NAV2: variants seen among roughly 807,000 people sequenced by gnomAD.
The protein encoded by NAV2 is neuron navigator 2, also known as helicase, APC down-regulated 1.
NAV2 carries 54 observed loss-of-function variants against 223.2 expected under a neutral mutation model. The ratio of observed to expected loss-of-function variants is 0.24; its 90% CI spans 0.19 to 0.30. NAV2 has a LOEUF of 0.30. Ranked by LOEUF, NAV2 falls within the 10% of genes least tolerant of loss-of-function variation. The probability of loss-of-function intolerance (pLI) is 1.00; values close to 1 mark genes in which losing one functional copy is unlikely to be tolerated. For missense variants in NAV2, 2,806 were observed against 3,147.5 expected (o/e 0.89, Z 2.60); for synonymous variants, 1,279 against 1,239.3 (o/e 1.03, Z -0.67).
chr11:19,886,407 C>T (rs80127515), intron 5 of NAV2, among the ~76,000 whole-genome samples: 1,943 of 152,266 alleles, frequency 0.013, 37 homozygotes, highest in African/African-American at 0.044. Context: ...TACCCAGACT[C>T]GGTGGAGGAG....
chr11:19,496,315 A>G (rs775154429), intron 1 of NAV2, among the ~76,000 whole-genome samples: 21 of 152,258 alleles, frequency 1.4e-4, no homozygotes, highest in Non-Finnish European at 2.6e-4. Flanking sequence ...TCAGGAATCC[A>G]GGAGCAGCTT....
intron 1 of NAV2, among the ~76,000 whole-genome samples, chr11:19,425,556 C>A (rs753396578): frequency 6.6e-6 from 1 of 152,192 alleles, no homozygotes; most frequent in Non-Finnish European, 1.5e-5. Flanking sequence ...ACAGTCTGGA[C>A]TAGAACCATA....
At chr11:19,447,129 G>A (rs1851614990) in intron 1 of NAV2, among the ~76,000 whole-genome samples, 1 of 152,100 alleles carries the variant, frequency 6.6e-6, no homozygotes, top group Non-Finnish European at 1.5e-5. Flanking sequence ...AGAGGCCTGC[G>A]GTAAAAGAGG....
chr11:20,017,061 G>A (rs1031906154), intron 11 of NAV2, among the ~76,000 whole-genome samples: 1 of 151,872 alleles, frequency 6.6e-6, no homozygotes, highest in Non-Finnish European at 1.5e-5. Flanking sequence ...CAGGAAGGGA[G>A]GCCCTCTTGC....
intron 12 of NAV2, among the ~76,000 whole-genome samples, chr11:20,043,494 A>G (rs1337554128): frequency 6.6e-6 from 1 of 151,928 alleles, no homozygotes; most frequent in Non-Finnish European, 1.5e-5. Flanking sequence ...CATCCAGGCT[A>G]GAGTACAGTG....
Position 19,623,087 on chromosome 11 carries a change from T to C in NAV2, c.76-209397T>C, listed in dbSNP as rs565639854. ...CTCTTTTCTTTAAGAATATTGAATA[T>C]TGGCCCCCACTCTCTTCTAGCTTAT... On this transcript the variant is annotated intron_variant, in intron 1 of 37. Coordinates refer to the NAV2 transcript ENST00000360655. 2.6e-5 allele frequency among the ~76,000 whole-genome samples: 4 copies of C among 152,358 alleles called. No individual in the cohort carries two copies. The South Asian group carries it at 6.2e-4, about 24-fold the overall frequency.
At chr11:20,021,799 G>C (rs1271829598) in intron 11 of NAV2, among the ~76,000 whole-genome samples, 2 of 152,108 alleles carry the variant, frequency 1.3e-5, no homozygotes, top group East Asian at 3.9e-4. Context: ...GGACTCCTTC[G>C]AGATTACAAT....
intron 3 of NAV2, among the ~76,000 whole-genome samples, chr11:19,855,036 T>C (rs980191942): frequency 2.6e-5 from 4 of 152,164 alleles, no homozygotes; most frequent in Admixed American, 2.6e-4. Flanking sequence ...GTTCAAATTC[T>C]AACTCTGATG....
chr11:19,943,971 G>T (rs986262404), intron 8 of NAV2, among the ~76,000 whole-genome samples: 6 of 152,072 alleles, frequency 3.9e-5, no homozygotes, highest in Non-Finnish European at 7.4e-5. Flanking sequence ...GCCGAGGTGG[G>T]TGGATCACCT....
At chr11:19,412,026 A>G (rs1850166796) in intron 1 of NAV2, among the ~76,000 whole-genome samples, 1 of 152,158 alleles carries the variant, frequency 6.6e-6, no homozygotes, top group Non-Finnish European at 1.5e-5. Context: ...AGCTAGCTGC[A>G]GGTGTTTTTT....
chr11:19,642,979 A>T (rs1409625266), intron 1 of NAV2, among the ~76,000 whole-genome samples: 1 of 152,038 alleles, frequency 6.6e-6, no homozygotes, highest in Admixed American at 6.5e-5. Flanking sequence ...GCTTCTATTG[A>T]CTTGGCTTTT....
intron 1 of NAV2, among the ~76,000 whole-genome samples, chr11:19,589,126 G>T (rs889918773): frequency 6.6e-6 from 1 of 152,222 alleles, no homozygotes; most frequent in Non-Finnish European, 1.5e-5. Context: ...TGAGCTCACA[G>T]TCTAGAGGGA....
In NAV2 at chr11:20,107,707, G is replaced by A. The variant is rs756697222; in HGVS notation, c.6885G>A (p.Ser2295=). The A allele has an allele frequency of 2.5e-5, 41 of 1,614,048 alleles. No individual in the cohort carries two copies. Among genetic ancestry groups the A allele is most frequent in the Middle Eastern group, 1.6e-4 (1 of 6,084 alleles). Residue 2295 remains serine (S), a synonymous_variant, in exon 36 of 38, where the codon TCG becomes TCA. Transcript: ENST00000349880. ...CATGCCCCATCGATGTGGACGGCTC[G>A]AGAGTGTGGTTCACCGACTTGTGGA... ...FLSCPIDVDG[S]RVWFTDLWNY... is the part of the protein sequence containing the mutation.
At chr11:19,354,602 T>G (rs538751497) in intron 1 of NAV2, among the ~76,000 whole-genome samples, 8 of 152,362 alleles carry the variant, frequency 5.3e-5, no homozygotes, top group African/African-American at 1.9e-4. Flanking sequence ...TTTTAATTGA[T>G]GCATAACTTA....
intron 1 of NAV2, among the ~76,000 whole-genome samples, chr11:19,443,932 G>A (rs1039501244): frequency 3.3e-5 from 5 of 151,994 alleles, no homozygotes; most frequent in African/African-American, 4.8e-5. Context: ...TATTATTATC[G>A]TTATTATTAT....
intron 1 of NAV2, among the ~76,000 whole-genome samples, chr11:19,386,985 G>A (rs552858697): frequency 6.6e-6 from 1 of 152,098 alleles, no homozygotes; most frequent in African/African-American, 2.4e-5. Flanking sequence ...CTACACAGGT[G>A]GTTACTGCCT....
intron 1 of NAV2, among the ~76,000 whole-genome samples, chr11:19,357,580 G>A (rs1853690252): frequency 6.6e-6 from 1 of 152,130 alleles, no homozygotes; most frequent in Non-Finnish European, 1.5e-5. Context: ...CCCTGTAAGA[G>A]GCCTATTGGA....
chr11:19,498,173 C>G (rs1014928536), intron 1 of NAV2, among the ~76,000 whole-genome samples: 2 of 152,198 alleles, frequency 1.3e-5, no homozygotes, highest in African/African-American at 4.8e-5. Flanking sequence ...TATCCCTATT[C>G]ACCATGTGGC....
intron 1 of NAV2, among the ~76,000 whole-genome samples, chr11:19,654,386 A>G (rs1201988009): frequency 6.6e-6 from 1 of 152,144 alleles, no homozygotes; most frequent in African/African-American, 2.4e-5. Context: ...AATTGGAAAA[A>G]ACTACTTTAA....
Sources: gnomAD v4.1 joint callset for allele counts (sites outside exome capture counted in the v4.1 genomes callset) on GRCh38, gnomAD v4.1.1 for gene constraint, MANE v1.5 for transcripts, NCBI Gene and HGNC (gene_info 2026-07-23, HGNC 2026-07-21) for gene names.